ELAVL4: variants seen among roughly 807,000 people sequenced by gnomAD.
The protein encoded by ELAVL4 is ELAV like RNA binding protein 4, also known as ELAV-like protein 4.
ELAVL4 carries 1 observed loss-of-function variant against 35.6 expected under a neutral mutation model. The ratio of observed to expected loss-of-function variants is 0.03; its 90% CI spans 0.01 to 0.13. The LOEUF (loss-of-function observed/expected upper bound fraction) is 0.13, where lower values mean the gene tolerates loss of function less well. Ranked by LOEUF, ELAVL4 falls within the 10% of genes least tolerant of loss-of-function variation. The pLI is 1.00. For synonymous variants in ELAVL4, 156 were observed against 171.0 expected, an observed-to-expected ratio of 0.91 and a Z score of 0.69; for missense variants, 267 against 464.9, an observed-to-expected ratio of 0.57 and a Z score of 3.91.
intron 1 of ELAVL4, among the ~76,000 whole-genome samples, chr1:50,127,688 C>T (rs184932200): frequency 6.6e-6 from 1 of 152,042 alleles, no homozygotes; most frequent in Non-Finnish European, 1.5e-5. Flanking sequence ...TTCTGTGAAG[C>T]CTATAACATT....
At chr1:50,063,066 C>A (rs1664081305) in intron 1 of ELAVL4, among the ~76,000 whole-genome samples, 1 of 152,118 alleles carries the variant, frequency 6.6e-6, no homozygotes, top group Non-Finnish European at 1.5e-5. Flanking sequence ...ACCTGAATGT[C>A]CTCTAGACCC....
At chr1:50,165,451 TATAG>T (rs1677594358) in intron 2 of ELAVL4, among the ~76,000 whole-genome samples, 2 of 150,544 alleles carry the variant, frequency 1.3e-5, no homozygotes, top group African/African-American at 4.9e-5. Flanking sequence ...TAGATATAGA[TATAG>T]ATACACACAC....
At chr1:50,116,049 G>A (rs551024357) in intron 1 of ELAVL4, among the ~76,000 whole-genome samples, 2 of 152,142 alleles carry the variant, frequency 1.3e-5, no homozygotes, top group South Asian at 4.2e-4. Flanking sequence ...AAGCATCTAG[G>A]TGTGACTCCA....
intron 3 of ELAVL4, among the ~76,000 whole-genome samples, chr1:50,181,452 T>C (rs1681005925): frequency 6.6e-6 from 1 of 152,148 alleles, no homozygotes; most frequent in Non-Finnish European, 1.5e-5. Context: ...GAAATGACAG[T>C]GCCCTAGAGA....
rs368162591 is a variant in ELAVL4 at position 50,075,535 on chromosome 1, C to T, written c.18+27353C>T. 3.2e-4 allele frequency among the ~76,000 whole-genome samples: 48 copies of T among 152,186 alleles called. 1 individual carries two copies. The South Asian group carries it at 8.7e-3, about 28-fold the overall frequency. ...CTAGTCTCATCATTTACTGTCATCG[C>T]AGGTAAAGAAGAGCTCCAGCATGGA... On this transcript the variant is annotated intron_variant, in intron 1 of 6. Coordinates refer to the ELAVL4 transcript ENST00000448907.
In ELAVL4 at chr1:50,193,906, G is replaced by C; in HGVS notation, c.496G>C (p.Asp166His). The change falls in exon 4 of 7, where the codon GAT becomes CAT. Residue 166 changes from aspartate (D) to histidine (H), a missense_variant. Around this residue, in one of 2 missense-constraint regions of ELAVL4, gnomAD observed 216 missense variants for 409.5 expected, o/e 0.53. Transcript: ENST00000371824. ...TATCATCACCTCACGAATCCTGGTTGATCAAGTCACAGGTTAAGTGTTTCT... is the reference window on the plus strand; with the variant it reads ...TATCATCACCTCACGAATCCTGGTTCATCAAGTCACAGGTTAAGTGTTTCT... ...GRIITSRILV[D>H]QVTGVSRGVG... is the part of the protein sequence containing the mutation. 6.2e-7 allele frequency: 1 copy of C among 1,613,984 alleles called. No homozygotes were observed. The highest frequency in any genetic ancestry group is 2.2e-5 in the East Asian group (1 of 44,876).
intron 5 of ELAVL4, 142 bp downstream of exon 5, chr1:50,195,928 C>T: frequency 5.4e-6 from 5 of 930,462 alleles, no homozygotes; most frequent in Non-Finnish European, 7.9e-6. Context: ...CCCCCCGAGC[C>T]TCAGTTTCCA....
chr1:50,199,897 C>A (rs1256196669), intron 6 of ELAVL4, among the ~76,000 whole-genome samples: 2 of 152,086 alleles, frequency 1.3e-5, no homozygotes, highest in East Asian at 3.9e-4. Context: ...TTTAAAGGGT[C>A]ATTTTTTCTT....
chr1:50,076,734 A>G (rs1664783097), intron 1 of ELAVL4, among the ~76,000 whole-genome samples: 1 of 152,140 alleles, frequency 6.6e-6, no homozygotes, highest in South Asian at 2.1e-4. Context: ...CTGTAAGGCC[A>G]GGGAGAATGG....
intron 1 of ELAVL4, among the ~76,000 whole-genome samples, chr1:50,114,751 C>T (rs949622642): frequency 1.3e-5 from 2 of 152,066 alleles, no homozygotes; most frequent in African/African-American, 4.8e-5. Context: ...TAGCTGGGGG[C>T]ACCACAGATA....
At chr1:50,173,991 G>A (rs910244048) in intron 2 of ELAVL4, among the ~76,000 whole-genome samples, 11 of 152,198 alleles carry the variant, frequency 7.2e-5, no homozygotes, top group South Asian at 4.1e-4. Flanking sequence ...TTGTGAATGC[G>A]TTTCATCTAT....
chr1:50,126,023 G>T (rs998655494), intron 1 of ELAVL4, among the ~76,000 whole-genome samples: 12 of 152,002 alleles, frequency 7.9e-5, no homozygotes, highest in Non-Finnish European at 1.3e-4. Flanking sequence ...CCTGAATCGG[G>T]GCCCGGCACC....
Position 50,155,370 on chromosome 1 carries a change from G to C in ELAVL4, c.250+10173G>C, listed in dbSNP as rs573986818. Among the ~76,000 whole-genome samples the C allele has an allele frequency of 2.0e-5, 3 of 152,204 alleles. No individual in the cohort carries two copies. In the East Asian group the frequency reaches 5.8e-4, roughly 29 times the overall value. On this transcript the variant is annotated intron_variant, in intron 2 of 6. Transcript: ENST00000371824. ...CTGGCCCTGTAGCCCTTTCTCTGGA[G>C]ACAGGCCTCTGATTGTAGAGACACT...
intron 1 of ELAVL4, among the ~76,000 whole-genome samples, chr1:50,089,760 C>A (rs1423950901): frequency 6.6e-6 from 1 of 152,114 alleles, no homozygotes; most frequent in Non-Finnish European, 1.5e-5. Context: ...ATCTCTAAAA[C>A]AAACAAACAA....
intron 1 of ELAVL4, among the ~76,000 whole-genome samples, chr1:50,122,945 C>T (rs191557968): frequency 5.3e-5 from 8 of 152,116 alleles, no homozygotes; most frequent in South Asian, 2.1e-4. Context: ...CTGAGACTTA[C>T]TATTTGGTAG....
chr1:50,201,584 A>T lies in ELAVL4; in HGVS notation c.*406A>T, dbSNP rs1644396962. ...AAGAAGAAAAACAAAAAACAAAAAA[A>T]ATAATAAAAATAAAACAATTTTTAC... On this transcript the variant is annotated 3_prime_UTR_variant, in exon 7 of 7. Transcript: ENST00000371824. This position sits in a 1 kb window ranked among gnomAD's most constrained non-coding sequence, Gnocchi z 4.3. 2 of 152,226 alleles carry T rather than the reference A, an allele frequency of 1.3e-5. No homozygotes were observed. The highest frequency in any genetic ancestry group is 4.8e-5 in the African/African-American group (2 of 41,452). The allele number at this position is 152,226 out of a possible 1,614,324, so 9.4% of individuals were successfully genotyped here.
rs564574578 is a variant in ELAVL4, at chr1:50,199,507, A to G, written c.774-1344A>G. On this transcript the variant is annotated intron_variant, in intron 6 of 6. Coordinates refer to ENST00000371824, the MANE Select transcript of ELAVL4 (RefSeq NM_001144774.3). Reference sequence around the variant, plus strand: ...GATCACCTGAGGTCAGAAGTTCAAGACCAGCCTGGCCAACATGGCAAAACC... The same window carrying G: ...GATCACCTGAGGTCAGAAGTTCAAGGCCAGCCTGGCCAACATGGCAAAACC... Among the ~76,000 whole-genome samples the G allele has an allele frequency of 2.0e-5, 3 of 152,328 alleles. No homozygotes were observed. In the East Asian group the frequency reaches 5.8e-4, roughly 29 times the overall value.
In ELAVL4 at chr1:50,108,967, A is replaced by C; in HGVS notation, c.-223A>C. ...GTTCAGTTGTTCTTATCTACATCCT[A>C]GAATCGGGGGTTTCAGCTCACTGCT... is the stretch of plus-strand genomic sequence containing the variant. On this transcript the variant is annotated 5_prime_UTR_variant, in exon 1 of 7. Transcript: ENST00000371824. 8.0e-7 allele frequency: 1 copy of C among 1,245,680 alleles called. No individual in the cohort carries two copies. The highest frequency in any genetic ancestry group is 1.0e-6 in the Non-Finnish European group (1 of 994,806). The allele number at this position is 1,245,680 out of a possible 1,614,324, so 77.2% of individuals were successfully genotyped here.
intron 2 of ELAVL4, among the ~76,000 whole-genome samples, chr1:50,151,611 G>A (rs534254285): frequency 2.0e-5 from 3 of 152,232 alleles, no homozygotes; most frequent in Admixed American, 6.5e-5. Context: ...CACATAAGAC[G>A]GAAAGTGATT....
Sources: gnomAD v4.1 joint callset for allele counts (sites outside exome capture counted in the v4.1 genomes callset) on GRCh38, gnomAD v4.1.1 for gene constraint, gnomAD v4.1.1 regional missense constraint, Gnocchi (gnomAD v3.1) non-coding constraint, MANE v1.5 for transcripts, NCBI Gene and HGNC (gene_info 2026-07-23, HGNC 2026-07-21) for gene names.